Variants in GHDC observed in about 807,000 individuals in gnomAD.
GHDC encodes GH3 domain containing, also known as GH3 domain-containing protein.
A neutral mutation model predicts 51.5 loss-of-function variants in GHDC; 39 were observed. That is an observed-to-expected ratio of 0.76 (90% CI 0.59 to 0.99). The LOEUF (loss-of-function observed/expected upper bound fraction) is 0.99, where lower values mean the gene tolerates loss of function less well. GHDC is among the 50% of genes least tolerant of loss of function. The probability of loss-of-function intolerance (pLI) is 0.00; values close to 1 mark genes in which losing one functional copy is unlikely to be tolerated. For synonymous variants in GHDC, 282 were observed against 305.2 expected, an observed-to-expected ratio of 0.92 and a Z score of 0.79; for missense variants, 610 against 672.8, an observed-to-expected ratio of 0.91 and a Z score of 1.03.
rs960683650 is a variant in GHDC at position 42,189,310 on chromosome 17, T to G, written c.*393A>C. ...ATGAAGCTGAGGTCCTGCTCCTTAT[T>G]GACTCAGGGTTGCTGCTCCTGGGGA... On this transcript the variant is annotated 3_prime_UTR_variant, in exon 10 of 10. Coordinates refer to ENST00000587427, the MANE Select transcript of GHDC (RefSeq NM_032484.5). 4.3e-5 allele frequency: 17 copies of G among 395,134 alleles called. 1 individual carries two copies. The highest frequency in any genetic ancestry group is 1.1e-4 in the East Asian group (3 of 27,904). 24.5% of individuals were successfully genotyped at this position (395,134 alleles called of 1,614,324 possible). A position where few individuals can be genotyped will look rare whatever the true frequency, so the allele number is the denominator to read the frequency against.
intron 8 of GHDC, 32 bp downstream of exon 8, chr17:42,190,592 G>A (rs200530504): frequency 2.5e-6 from 4 of 1,599,628 alleles, no homozygotes; most frequent in African/African-American, 1.3e-5. Flanking sequence ...GTAGCTCAAG[G>A]ATGGTAGGCA....
chr17:42,193,235 G>A lies in GHDC; in HGVS notation c.265+82C>T, dbSNP rs568153486. On this transcript the variant is annotated intron_variant, in intron 3 of 9. Coordinates refer to ENST00000587427, the MANE Select transcript of GHDC (RefSeq NM_032484.5). ...CTCCGTTGGCAGTGGAGGAGGTAAG[G>A]GGGCCATCAGGCTCTGGAATCTGAC... 4 of 1,517,920 alleles carry A rather than the reference G, an allele frequency of 2.6e-6. No homozygotes were observed. The African/African-American group carries it at 4.2e-5, about 16-fold the overall frequency. 94.0% of individuals were successfully genotyped at this position (1,517,920 alleles called of 1,614,324 possible). A position where few individuals can be genotyped will look rare whatever the true frequency, so the allele number is the denominator to read the frequency against.
Position 42,193,532 on chromosome 17 carries a change from G to C in GHDC, c.50C>G (p.Ala17Gly). ...CTGGGACCGCTGCTGCCTGAGCAGGGCCAATGTTGGCAGCAGCAGCAGCAG... is the reference window on the plus strand; with the variant it reads ...CTGGGACCGCTGCTGCCTGAGCAGGCCCAATGTTGGCAGCAGCAGCAGCAG... ...LLLLLLLPTL[A>G]LLRQQRSQDA... The change falls in exon 3 of 10, where the codon GCC becomes GGC. Residue 17 changes from alanine (A) to glycine (G), a missense_variant. This residue lies in a region of GHDC where 198 missense variants were observed against 262.3 expected (regional missense o/e 0.75). Coordinates refer to ENST00000587427, the MANE Select transcript of GHDC (RefSeq NM_032484.5). 6.5e-7 allele frequency: 1 copy of C among 1,546,858 alleles called. No individual in the cohort carries two copies. Among genetic ancestry groups the C allele is most frequent in the South Asian group, 1.2e-5 (1 of 84,106 alleles).
At chr17:42,190,794 AC>A (rs1366223325) in intron 7 of GHDC, 37 bp from the exon 8 acceptor site, 1 of 1,613,838 alleles carries the variant, frequency 6.2e-7, no homozygotes, top group African/African-American at 1.3e-5. Flanking sequence ...GGAGCCCAGG[AC>A]ACAAGGATGG....
In GHDC at chr17:42,190,760, G is replaced by A; in HGVS notation, c.1155-3C>T. 6.2e-7 allele frequency: 1 copy of A among 1,614,088 alleles called. No individual in the cohort carries two copies. Among genetic ancestry groups the A allele is most frequent in the Non-Finnish European group, 8.5e-7 (1 of 1,180,024 alleles). ...GCACACTCAGGGTCTGGTCCAGCCT[G>A]AAGAGGAGGAAGGGAGAGGCAGTGG... is the stretch of plus-strand genomic sequence containing the variant. On this transcript the variant is annotated splice_region_variant and splice_polypyrimidine_tract_variant and intron_variant, in intron 7 of 9. Coordinates refer to ENST00000587427, the MANE Select transcript of GHDC (RefSeq NM_032484.5).
Position 42,191,069 on chromosome 17 carries a change from TG to T in GHDC, c.1030del (p.Gln344SerfsTer10). On this transcript the variant is annotated frameshift_variant, in exon 6 of 10. Coordinates refer to ENST00000587427, the MANE Select transcript of GHDC (RefSeq NM_032484.5). LOFTEE classifies it high-confidence loss of function. ...CACCAGCTCATACTCCTTGCCCTGC[TG>T]GGCCTCGGCCAAAAGGAGGGTGGAG... Reference protein sequence around the residue: ...AASTLLLAEAQQGKEYELVLT... With the variant: ...AASTLLLAEAXQGKEYELVLT... 1 of 1,582,748 alleles carries T rather than the reference TG, an allele frequency of 6.3e-7. No homozygotes were observed.
Position 42,191,177 on chromosome 17 carries a change from G to A in GHDC, c.923C>T (p.Pro308Leu). 6.5e-7 allele frequency: 1 copy of A among 1,538,768 alleles called. No individual in the cohort carries two copies. Among genetic ancestry groups the A allele is most frequent in the South Asian group, 1.2e-5 (1 of 81,464 alleles). ...VLGLNLQPEQ[P>L]HGLYLLPPGA... ...AGGGGGCAGAAGGTAGAGCCCATGG[G>A]GCTGCTCTGGCTGTAGGTTTAGGCC... The change falls in exon 6 of 10, where the codon CCC becomes CTC. Residue 308 changes from proline (P) to leucine (L), a missense_variant. By Grantham distance (98) the Pro-to-Leu change is moderately conservative. Transcript: ENST00000587427.
Position 42,189,712 on chromosome 17 carries a change from C to T in GHDC, c.1584G>A (p.Val528=). The change falls in exon 10 of 10, where the codon GTG becomes GTA. Residue 528 remains valine, a synonymous_variant. Coordinates refer to ENST00000587427, the MANE Select transcript of GHDC (RefSeq NM_032484.5). ...RHLAQCLQER[V]VS ...TGGGGCAGGACTTGACTCAGGACAC[C>T]ACCCTCTCCTGCAGACACTGGGCCA... 1.4e-6 allele frequency: 2 copies of T among 1,465,034 alleles called. No individual in the cohort carries two copies. 90.8% of individuals were successfully genotyped at this position (1,465,034 alleles called of 1,614,324 possible).
chr17:42,191,144 G>A lies in GHDC; in HGVS notation c.956C>T (p.Pro319Leu). The A allele has an allele frequency of 6.4e-7, 1 of 1,552,060 alleles. No homozygotes were observed. The highest frequency in any genetic ancestry group is 8.7e-7 in the Non-Finnish European group (1 of 1,153,062). The change falls in exon 6 of 10, where the codon CCC (proline) becomes CTC (leucine). Residue 319 changes from proline (P) to leucine (L), a missense_variant. Pro to Leu is a moderately conservative substitution (Grantham distance 98). This residue lies in a region of GHDC where 412 missense variants were observed against 410.4 expected (regional missense o/e 1.00). Transcript: ENST00000587427. ...CTTGACTGGGAGCAGCTCGATAAAG[G>A]GGGCCCCAGGGGGCAGAAGGTAGAG... ...HGLYLLPPGAPFIELLPVKEG... is the reference protein window; with the variant it reads ...HGLYLLPPGALFIELLPVKEG...
chr17:42,193,014 G>A lies in GHDC; in HGVS notation c.279C>T (p.Phe93=), dbSNP rs775123287. 6.1e-5 allele frequency: 99 copies of A among 1,614,018 alleles called. 1 individual carries two copies. In the South Asian group the frequency reaches 9.7e-4, roughly 16 times the overall value. The change falls in exon 4 of 10, where the codon TTC becomes TTT. Residue 93 remains phenylalanine, a synonymous_variant. Coordinates refer to ENST00000587427, the MANE Select transcript of GHDC (RefSeq NM_032484.5). ...CCTTGGTCAGAGGGAGATGATTCCG[G>A]AAGGTGCTTATGTCTATAGCCCCAA... ...SLRRSTDIST[F]RNHLPLTKAS... is the part of the protein sequence containing the mutation.
rs549120711 is a variant in GHDC at position 42,190,607 on chromosome 17, C to T, written c.1288+17G>A. 2 of 1,604,918 alleles carry T rather than the reference C, an allele frequency of 1.2e-6. No individual in the cohort carries two copies. The highest frequency in any genetic ancestry group is 2.2e-5 in the South Asian group (2 of 90,488). The stretch of plus-strand genomic sequence containing the variant: ...GTAGCTCAAGGATGGTAGGCAGGAG[C>T]CGGTGGGGAGGCTCACCCAGAATGC... On this transcript the variant is annotated intron_variant, in intron 8 of 9. Transcript: ENST00000587427.
In GHDC at chr17:42,189,767, G is replaced by C. The variant is rs545336937; in HGVS notation, c.1529C>G (p.Ala510Gly). 83 of 1,534,468 alleles carry C rather than the reference G, an allele frequency of 5.4e-5. No individual in the cohort carries two copies. Among genetic ancestry groups the C allele is most frequent in the Non-Finnish European group, 7.1e-5 (81 of 1,141,014 alleles). The change falls in exon 10 of 10, where the codon GCG becomes GGG. Residue 510 changes from alanine to glycine, a missense_variant. This residue lies in a region of GHDC where 412 missense variants were observed against 410.4 expected (regional missense o/e 1.00). Transcript: ENST00000587427. ...AACPSSPFPP[A>G]MPRVLRHRHL... is the part of the protein sequence containing the mutation. ...CCTGTGCCGAAGGACCCGGGGCATC[G>C]CAGGGGGGAAGGGGGAGGAGGGGCA... is the stretch of plus-strand genomic sequence containing the variant.
chr17:42,190,625 C>T lies in GHDC; in HGVS notation c.1287G>A (p.Leu429=). The change falls in exon 8 of 10, where the codon CTG becomes CTA. Residue 429 remains leucine (L), a splice_region_variant and synonymous_variant. Coordinates refer to ENST00000587427, the MANE Select transcript of GHDC (RefSeq NM_032484.5). ...LDHGCVESSI[L]DSSAGSAPHY... ...GCAGGAGCCGGTGGGGAGGCTCACC[C>T]AGAATGCTGCTCTCCACACAGCCAT... The T allele has an allele frequency of 6.2e-7, 1 of 1,610,696 alleles. No homozygotes were observed. Among genetic ancestry groups the T allele is most frequent in the Non-Finnish European group, 8.5e-7 (1 of 1,179,432 alleles).
intron 8 of GHDC, 27 bp downstream of exon 8, chr17:42,190,597 T>G: frequency 6.2e-7 from 1 of 1,601,214 alleles, no homozygotes; most frequent in Non-Finnish European, 8.5e-7. Flanking sequence ...TCAAGGATGG[T>G]AGGCAGGAGC....
chr17:42,190,931 C>T (rs536993021), intron 6 of GHDC, 28 bp from the exon 7 acceptor site: 15 of 1,596,164 alleles, frequency 9.4e-6, no homozygotes, highest in South Asian at 7.8e-5. Context: ...GGAGTGAGGT[C>T]GGGCCCAAGG....
Position 42,193,360 on chromosome 17 carries a change from T to A in GHDC, c.222A>T (p.Leu74=), listed in dbSNP as rs1304162154. 1.6e-5 allele frequency: 25 copies of A among 1,607,018 alleles called. No individual in the cohort carries two copies. The highest frequency in any genetic ancestry group is 2.1e-5 in the Non-Finnish European group (25 of 1,177,164). Residue 74 remains leucine (L), a synonymous_variant, in exon 3 of 10, where the codon CTA becomes CTT. Transcript: ENST00000587427. Reference sequence around the variant, plus strand: ...AACAGTGGGGGCGCTGGGCTCCCTGTAGACACCACCTCAGGGCCTGCTGCT... The same window carrying A: ...AACAGTGGGGGCGCTGGGCTCCCTGAAGACACCACCTCAGGGCCTGCTGCT... The part of the protein sequence containing the change: ...QSQQQALRWC[L]QGAQRPHCSL...
chr17:42,190,453 A>G (rs565053837), intron 8 of GHDC, 171 bp downstream of exon 8: 3 of 1,445,652 alleles, frequency 2.1e-6, no homozygotes, highest in African/African-American at 2.8e-5. Flanking sequence ...ACAGATCAGG[A>G]AAGAAAATGG....
rs376895316 is a variant in GHDC, at chr17:42,193,471, G to A, written c.111C>T (p.His37=). ...ARLSWLAGLQ[H]RVAWGALVWA... is the part of the protein sequence containing the mutation. Reference sequence around the variant, plus strand: ...AGACCAGGGCCCCCCATGCCACTCGGTGCTGGAGGCCAGCAAGCCAGGACA... The same window carrying A: ...AGACCAGGGCCCCCCATGCCACTCGATGCTGGAGGCCAGCAAGCCAGGACA... Residue 37 remains histidine, a synonymous_variant, in exon 3 of 10, where the codon CAC becomes CAT. Transcript: ENST00000587427. 6 of 1,556,556 alleles carry A rather than the reference G, an allele frequency of 3.9e-6. No homozygotes were observed. In the African/African-American group the frequency reaches 5.4e-5, roughly 14 times the overall value.
At position 42,190,647 on chromosome 17, in the gene GHDC, C is replaced by A. The variant is rs377345237; in HGVS notation, c.1265G>T (p.Gly422Val). The A allele has an allele frequency of 6.2e-6, 10 of 1,612,748 alleles. No individual in the cohort carries two copies. The highest frequency in any genetic ancestry group is 2.7e-5 in the African/African-American group (2 of 74,922). ...ACCCAGAATGCTGCTCTCCACACAG[C>A]CATGGTCCAGCAGCTTGGCCCCCGC... The part of the protein sequence containing the change: ...QWAGAKLLDH[G>V]CVESSILDSS... The change falls in exon 8 of 10, where the codon GGC becomes GTC. Residue 422 changes from glycine to valine, a missense_variant. Physicochemically the swap from Gly to Val is moderately radical, Grantham distance 109. Transcript: ENST00000587427.
Sources: gnomAD v4.1 joint callset for allele counts on GRCh38, gnomAD v4.1.1 for gene constraint, gnomAD v4.1.1 regional missense constraint, MANE v1.5 for transcripts, NCBI Gene and HGNC (gene_info 2026-07-23, HGNC 2026-07-21) for gene names.